The following LRRC37A2 variants were observed in gnomAD, a reference collection of about 807,000 sequenced individuals.
The protein encoded by LRRC37A2 is leucine rich repeat containing 37 member A2, also known as leucine-rich repeat-containing protein 37A2.
A neutral mutation model predicts 68.8 loss-of-function variants in LRRC37A2; 9 were observed. The ratio of observed to expected loss-of-function variants is 0.13; its 90% CI spans 0.08 to 0.23. LRRC37A2 has a LOEUF of 0.23. Among genes scored for constraint, LRRC37A2 ranks in the 10% least tolerant of loss-of-function variants. The pLI is 1.00. For missense variants in LRRC37A2, 168 were observed against 950.4 expected (o/e 0.18, Z 10.82); for synonymous variants, 63 against 367.6 (o/e 0.17, Z 9.48).
chr17:46,781,760 A>G, the LRRC37A2 span, among the ~76,000 whole-genome samples: 21 of 152,338 alleles, frequency 1.4e-4, no homozygotes, highest in Admixed American at 1.1e-3. Flanking sequence ...TGGTGCTTGC[A>G]TCCCCAGCCT....
the LRRC37A2 span, chr17:46,984,177 T>C: frequency 1.3e-5 from 2 of 152,128 alleles, no homozygotes; most frequent in African/African-American, 4.8e-5. Context: ...AGTTGACAGA[T>C]GAGAAAATAG....
At chr17:46,626,671 C>T in the LRRC37A2 span, 2 of 16,726 alleles carry the variant, frequency 1.2e-4, no homozygotes, top group Admixed American at 6.5e-4. Flanking sequence ...GAAGACACAT[C>T]CATCGGTGGT....
At chr17:46,995,942 G>A in the LRRC37A2 span, among the ~76,000 whole-genome samples, 1 of 152,238 alleles carries the variant, frequency 6.6e-6, no homozygotes, top group South Asian at 2.1e-4. Flanking sequence ...CACCTCAGTG[G>A]CTGGTCCCTG....
chr17:46,722,283 G>C, the LRRC37A2 span: 1 of 844,394 alleles, frequency 1.2e-6, no homozygotes, highest in Non-Finnish European at 2.0e-6. Context: ...TGTAAGATAC[G>C]GTTCTTACCT....
At chr17:46,718,972 T>TA in the LRRC37A2 span, among the ~76,000 whole-genome samples, 1 of 152,200 alleles carries the variant, frequency 6.6e-6, no homozygotes, top group African/African-American at 2.4e-5. Context: ...AACTCTTAGG[T>TA]AAAAAATGCT....
the LRRC37A2 span, chr17:46,966,583 A>G: frequency 1.4e-6 from 1 of 693,008 alleles, no homozygotes; most frequent in Non-Finnish European, 2.6e-6. Context: ...TCCTGAGCTC[A>G]AGAGATCCTC....
the LRRC37A2 span, among the ~76,000 whole-genome samples, chr17:46,754,073 T>C: frequency 6.6e-6 from 1 of 152,070 alleles, no homozygotes; most frequent in African/African-American, 2.4e-5. Flanking sequence ...GTCAGTAAGT[T>C]GTTGCTCACA....
chr17:46,548,797 C>A, exon 10 of LRRC37A2: 4 of 1,611,936 alleles, frequency 2.5e-6, no homozygotes, highest in Non-Finnish European at 3.4e-6. Context: ...GCCCCACACA[C>A]AGCAGGGGCC....
chr17:46,920,365 T>C, the LRRC37A2 span, among the ~76,000 whole-genome samples: 1 of 152,220 alleles, frequency 6.6e-6, no homozygotes, highest in Non-Finnish European at 1.5e-5. Context: ...GGGCTGTGTC[T>C]TGCTTGTGTT....
the LRRC37A2 span, among the ~76,000 whole-genome samples, chr17:46,837,401 A>AT: frequency 9.3e-4 from 142 of 152,272 alleles, 1 homozygote; most frequent in Non-Finnish European, 1.6e-3. Context: ...ATGGGAGAAT[A>AT]TTTGGGGGAC....
the LRRC37A2 span, among the ~76,000 whole-genome samples, chr17:46,822,280 G>C: frequency 2.0e-5 from 3 of 152,196 alleles, no homozygotes; most frequent in Admixed American, 2.0e-4. Context: ...GCAGAGCCTG[G>C]AAGCAGGAAG....
the LRRC37A2 span, among the ~76,000 whole-genome samples, chr17:46,392,431 C>CTCTTTCTTTCTTTCTTTT: frequency 2.0e-4 from 6 of 29,618 alleles, 1 homozygote; most frequent in African/African-American, 4.7e-4. Flanking sequence ...CTTTCTTTCT[C>CTCTTTCTTTCTTTCTTTT]TCTTTCTTTC....
the LRRC37A2 span, chr17:46,936,401 C>G: frequency 3.0e-6 from 3 of 985,222 alleles, 1 homozygote; most frequent in South Asian, 1.4e-4. Flanking sequence ...CTCTTGCCAC[C>G]CACACTGATA....
the LRRC37A2 span, among the ~76,000 whole-genome samples, chr17:46,752,054 G>A: frequency 6.6e-6 from 1 of 152,164 alleles, no homozygotes; most frequent in African/African-American, 2.4e-5. Flanking sequence ...ACGGTGTCTG[G>A]GAGACTGCTT....
the LRRC37A2 span, among the ~76,000 whole-genome samples, chr17:46,421,365 A>G: frequency 5.9e-5 from 1 of 16,988 alleles, no homozygotes; most frequent in Admixed American, 3.7e-4. Flanking sequence ...ACTGTTTTAG[A>G]CACTGCAGAT....
chr17:46,834,735 C>T, the LRRC37A2 span, among the ~76,000 whole-genome samples: 2 of 152,146 alleles, frequency 1.3e-5, no homozygotes, highest in Non-Finnish European at 2.9e-5. Context: ...TCCCTCTGCC[C>T]TCTCACAACT....
chr17:46,877,031 T>G, the LRRC37A2 span: 2 of 1,178,094 alleles, frequency 1.7e-6, no homozygotes, highest in Non-Finnish European at 2.1e-6. Context: ...AGGACTGAAA[T>G]TTTGGACGGG....
At chr17:46,976,904 A>G in the LRRC37A2 span, among the ~76,000 whole-genome samples, 1 of 152,176 alleles carries the variant, frequency 6.6e-6, no homozygotes, top group East Asian at 1.9e-4. Context: ...GTCACACCAA[A>G]CCATCAACAG....
At chr17:46,864,071 C>T in the LRRC37A2 span, among the ~76,000 whole-genome samples, 1 of 152,346 alleles carries the variant, frequency 6.6e-6, no homozygotes, top group East Asian at 1.9e-4. Flanking sequence ...AAGGCATTCC[C>T]CAGAGGCCTG....
Sources: allele counts gnomAD v4.1 joint callset (sites outside exome capture counted in the v4.1 genomes callset), GRCh38; gene constraint gnomAD v4.1.1; transcripts MANE v1.5; gene names NCBI Gene and HGNC (gene_info 2026-07-23, HGNC 2026-07-21).